The following CALD1 variants were observed in gnomAD, a reference collection of about 807,000 sequenced individuals.
CALD1 encodes the protein caldesmon 1, also known as caldesmon.
A neutral mutation model predicts 99.9 loss-of-function variants in CALD1; 33 were observed. The ratio of observed to expected loss-of-function variants is 0.33; its 90% CI spans 0.25 to 0.44. The LOEUF is 0.44. Ranked by LOEUF, CALD1 falls within the 20% of genes least tolerant of loss-of-function variation. The probability of loss-of-function intolerance (pLI) is 1.00; values close to 1 mark genes in which losing one functional copy is unlikely to be tolerated. For missense variants in CALD1, 861 were observed against 962.1 expected, an observed-to-expected ratio of 0.89 and a Z score of 1.39; for synonymous variants, 310 against 325.0, an observed-to-expected ratio of 0.95 and a Z score of 0.50.
chr7:134,812,460 T>C (rs1289582656), intron 1 of CALD1, among the ~76,000 whole-genome samples: 6 of 152,074 alleles, frequency 3.9e-5, no homozygotes, highest in Non-Finnish European at 1.5e-5. Flanking sequence ...CCCATTCTTA[T>C]AGCTAGAAAT....
the CALD1 span, among the ~76,000 whole-genome samples, chr7:134,726,067 C>A: frequency 1.3e-5 from 2 of 151,974 alleles, no homozygotes; most frequent in Non-Finnish European, 2.9e-5. Flanking sequence ...ACTAATACAC[C>A]AAGTAACTTA....
chr7:134,906,825 G>A (rs897798504), intron 3 of CALD1, among the ~76,000 whole-genome samples: 8 of 152,068 alleles, frequency 5.3e-5, no homozygotes, highest in Non-Finnish European at 8.8e-5. Context: ...CTTTGTTTAC[G>A]GGTCCCTGGG....
chr7:134,728,202 C>CG, the CALD1 span, among the ~76,000 whole-genome samples: 3 of 152,120 alleles, frequency 2.0e-5, no homozygotes, highest in Non-Finnish European at 4.4e-5. Context: ...TGGATTAAGT[C>CG]TTGATCTGAT....
chr7:134,756,584 C>G (rs1358400291), intron 1 of CALD1, among the ~76,000 whole-genome samples: 3 of 152,080 alleles, frequency 2.0e-5, no homozygotes, highest in African/African-American at 7.2e-5. Flanking sequence ...GGAGTTCTCA[C>G]TTCTGACAGG....
chr7:134,915,032 A>G (rs1423015939), intron 3 of CALD1, among the ~76,000 whole-genome samples: 4 of 152,224 alleles, frequency 2.6e-5, no homozygotes, highest in African/African-American at 9.6e-5. Flanking sequence ...TGCTAATTCC[A>G]GCCACCTGTG....
intron 1 of CALD1, among the ~76,000 whole-genome samples, chr7:134,798,347 C>T (rs1240955367): frequency 6.6e-6 from 1 of 152,342 alleles, no homozygotes; most frequent in South Asian, 2.1e-4. Flanking sequence ...CCTGACCCAC[C>T]CTGGTGCCAG....
chr7:134,712,162 A>G, the CALD1 span, among the ~76,000 whole-genome samples: 2 of 152,150 alleles, frequency 1.3e-5, no homozygotes, highest in Non-Finnish European at 2.9e-5. Flanking sequence ...AATTCTTGAA[A>G]CAATGCTTAG....
At chr7:134,729,180 G>T in the CALD1 span, among the ~76,000 whole-genome samples, 2 of 152,140 alleles carry the variant, frequency 1.3e-5, no homozygotes, top group Non-Finnish European at 2.9e-5. Flanking sequence ...CACCTTCAAG[G>T]AGTGAGATTT....
At chr7:134,857,230 G>C (rs1244729161) in intron 2 of CALD1, among the ~76,000 whole-genome samples, 1 of 138,250 alleles carries the variant, frequency 7.2e-6, no homozygotes, top group Admixed American at 7.9e-5. Context: ...GTGCAGTGGC[G>C]CGATCTCGGC....
intron 1 of CALD1, among the ~76,000 whole-genome samples, chr7:134,810,353 A>C (rs1291821654): frequency 6.6e-6 from 1 of 152,218 alleles, no homozygotes; most frequent in Non-Finnish European, 1.5e-5. Context: ...GCCAGATTAC[A>C]CCTGGCAGAT....
At chr7:134,907,537 G>T (rs1803482220) in intron 3 of CALD1, among the ~76,000 whole-genome samples, 1 of 152,092 alleles carries the variant, frequency 6.6e-6, no homozygotes, top group Non-Finnish European at 1.5e-5. Context: ...GGTGCTTCCT[G>T]ATTATATATT....
intron 6 of CALD1, 55 bp downstream of exon 6, chr7:134,935,820 T>A (rs537507710): frequency 3.6e-5 from 54 of 1,513,296 alleles, no homozygotes; most frequent in Non-Finnish European, 4.6e-5. Context: ...CAGTCAGTGT[T>A]CCAAGATATC....
intron 1 of CALD1, among the ~76,000 whole-genome samples, chr7:134,833,424 G>A (rs1265316021): frequency 6.6e-6 from 1 of 152,142 alleles, no homozygotes; most frequent in Non-Finnish European, 1.5e-5. Flanking sequence ...GTTTAAGTTT[G>A]TGGCCACGTA....
intron 1 of CALD1, among the ~76,000 whole-genome samples, chr7:134,764,075 C>T (rs975273453): frequency 6.6e-6 from 1 of 152,168 alleles, no homozygotes; most frequent in African/African-American, 2.4e-5. Context: ...TCCCCAAAGT[C>T]CATACAAGGG....
At chr7:134,957,823 T>C (rs1012891656) in intron 9 of CALD1, among the ~76,000 whole-genome samples, 7 of 150,246 alleles carry the variant, frequency 4.7e-5, no homozygotes. Context: ...CCTTGAAAAC[T>C]TGATTTTTTT....
intron 3 of CALD1, among the ~76,000 whole-genome samples, chr7:134,896,889 T>C (rs748645907): frequency 3.3e-5 from 5 of 152,214 alleles, no homozygotes; most frequent in South Asian, 2.1e-4. Flanking sequence ...CGTTTCCCTA[T>C]AGAAACACAG....
At chr7:134,796,257 G>C (rs549942392) in intron 1 of CALD1, among the ~76,000 whole-genome samples, 1 of 152,084 alleles carries the variant, frequency 6.6e-6, no homozygotes, top group African/African-American at 2.4e-5. Context: ...CTTGTGCCTC[G>C]GGCTTCTTAA....
chr7:134,747,188 CCCTGGAA>C lies in CALD1; in HGVS notation c.-130+2828_-130+2834del, dbSNP rs1268840902. Among the ~76,000 whole-genome samples, 21 of 152,178 alleles carry C rather than the reference CCCTGGAA, an allele frequency of 1.4e-4. No individual in the cohort carries two copies. The East Asian group carries it at 3.7e-3, about 27-fold the overall frequency. ...ATAATTGGGACATTTATCATCTCAGCCCTGGAACCAAAGATAGAAGAAGTGACTCAAG... is the reference window on the plus strand; with the variant it reads ...ATAATTGGGACATTTATCATCTCAGCCCAAAGATAGAAGAAGTGACTCAAG... On this transcript the variant is annotated intron_variant, in intron 1 of 13. Transcript: ENST00000417172.
the CALD1 span, among the ~76,000 whole-genome samples, chr7:134,711,628 T>TCCTC: frequency 1.6e-5 from 1 of 64,030 alleles, no homozygotes; most frequent in Non-Finnish European, 2.5e-5. Context: ...CAACCTCAGC[T>TCCTC]TCTCTCTCTC....
Sources: gnomAD v4.1 joint callset for allele counts (sites outside exome capture counted in the v4.1 genomes callset) on GRCh38, gnomAD v4.1.1 for gene constraint, MANE v1.5 for transcripts, NCBI Gene and HGNC (gene_info 2026-07-23, HGNC 2026-07-21) for gene names.